NAALADL2: variants seen among roughly 807,000 people sequenced by gnomAD.
NAALADL2 encodes the protein inactive N-acetylated-alpha-linked acidic dipeptidase-like protein 2.
NAALADL2 carries 76 observed loss-of-function variants against 87.2 expected under a neutral mutation model. The ratio of observed to expected loss-of-function variants is 0.87; its 90% CI spans 0.72 to 1.05. The LOEUF (loss-of-function observed/expected upper bound fraction) is 1.05, where lower values mean the gene tolerates loss of function less well. NAALADL2 is among the 50% of genes least tolerant of loss of function. The pLI is 0.00. For synonymous variants in NAALADL2, 354 were observed against 331.0 expected (o/e 1.07, Z -0.75); for missense variants, 1,089 against 945.8 (o/e 1.15, Z -1.99).
chr3:174,561,792 A>G (rs771608563), intron 2 of NAALADL2, among the ~76,000 whole-genome samples: 2 of 152,174 alleles, frequency 1.3e-5, no homozygotes, highest in Non-Finnish European at 2.9e-5. Flanking sequence ...TACTTTTACA[A>G]ATCAAAGAGA....
At chr3:174,720,669 C>G (rs1289836403) in intron 2 of NAALADL2, among the ~76,000 whole-genome samples, 3 of 152,054 alleles carry the variant, frequency 2.0e-5, no homozygotes, top group Admixed American at 2.0e-4. Context: ...ATTATCGTTA[C>G]AAAAGTGGGC....
chr3:174,884,536 G>A (rs567281113), intron 1 of NAALADL2, among the ~76,000 whole-genome samples: 80 of 152,240 alleles, frequency 5.3e-4, no homozygotes, highest in African/African-American at 1.1e-3. Context: ...TACCATGATC[G>A]TGGATAAGAC....
intron 5 of NAALADL2, among the ~76,000 whole-genome samples, chr3:175,350,733 A>T (rs181321580): frequency 1.3e-5 from 2 of 152,288 alleles, no homozygotes; most frequent in East Asian, 3.9e-4. Context: ...TGTGTGGAAG[A>T]GCCAAGAAGT....
At chr3:175,631,990 G>A (rs761974276) in intron 11 of NAALADL2, among the ~76,000 whole-genome samples, 1 of 151,950 alleles carries the variant, frequency 6.6e-6, no homozygotes, top group Non-Finnish European at 1.5e-5. Flanking sequence ...AATAAACAAG[G>A]TAAATAAATC....
At chr3:175,549,489 T>C (rs531343698) in intron 9 of NAALADL2, among the ~76,000 whole-genome samples, 1 of 152,088 alleles carries the variant, frequency 6.6e-6, no homozygotes, top group South Asian at 2.1e-4. Context: ...TATGAAAATG[T>C]ATCTAATTTG....
At chr3:175,771,201 A>G (rs1163882742) in intron 13 of NAALADL2, among the ~76,000 whole-genome samples, 1 of 152,200 alleles carries the variant, frequency 6.6e-6, no homozygotes, top group African/African-American at 2.4e-5. Flanking sequence ...CCATAAAATC[A>G]TATTTTCCAA....
Position 175,730,909 on chromosome 3 carries a change from T to C in NAALADL2, c.1897-6397T>C, listed in dbSNP as rs116225782. 3.3e-3 allele frequency among the ~76,000 whole-genome samples: 510 copies of C among 152,276 alleles called. 5 individuals are homozygous for C. Among genetic ancestry groups the C allele is most frequent in the African/African-American group, 0.011 (474 of 41,560 alleles). ...CAGATGGTGAATAGTTATTTACTTATGCTATGTGCCACAGGTATGCAAATA... is the reference window on the plus strand; with the variant it reads ...CAGATGGTGAATAGTTATTTACTTACGCTATGTGCCACAGGTATGCAAATA... On this transcript the variant is annotated intron_variant, in intron 11 of 13. Coordinates refer to ENST00000454872, the MANE Select transcript of NAALADL2 (RefSeq NM_207015.3).
chr3:175,315,000 AC>A (rs1758957650), intron 4 of NAALADL2, among the ~76,000 whole-genome samples: 1 of 151,972 alleles, frequency 6.6e-6, no homozygotes, highest in African/African-American at 2.4e-5. Flanking sequence ...GCAGTTACCT[AC>A]CAAGTCCTTT....
chr3:174,450,835 A>T (rs1265940383), intron 1 of NAALADL2, among the ~76,000 whole-genome samples: 1 of 136,796 alleles, frequency 7.3e-6, no homozygotes, highest in Non-Finnish European at 1.5e-5. Flanking sequence ...ATGCCACTGC[A>T]CTCCAGCCTG....
At chr3:175,329,516 A>G (rs1019646956) in intron 5 of NAALADL2, among the ~76,000 whole-genome samples, 7 of 152,226 alleles carry the variant, frequency 4.6e-5, no homozygotes, top group African/African-American at 1.7e-4. Flanking sequence ...CACTAAATCA[A>G]CTAAGACAAT....
At chr3:174,620,426 GTGTTTTTTGTTTTGT>G (rs1720889253) in intron 2 of NAALADL2, among the ~76,000 whole-genome samples, 1 of 151,736 alleles carries the variant, frequency 6.6e-6, no homozygotes, top group Admixed American at 6.6e-5. Context: ...CAGTTTATGT[GTGTTTTTTGTTTTGT>G]TTTGTTTTTT....
intron 5 of NAALADL2, among the ~76,000 whole-genome samples, chr3:175,348,964 C>G (rs1763446213): frequency 6.6e-6 from 1 of 152,138 alleles, no homozygotes; most frequent in African/African-American, 2.4e-5. Flanking sequence ...CCCTGTTAAT[C>G]TTACCAAATG....
At chr3:175,498,721 G>C (rs1453356892) in intron 9 of NAALADL2, among the ~76,000 whole-genome samples, 1 of 151,926 alleles carries the variant, frequency 6.6e-6, no homozygotes. Flanking sequence ...TTACATTTTA[G>C]GGGCAGTATT....
chr3:174,747,017 G>A (rs1006020567), intron 3 of NAALADL2, among the ~76,000 whole-genome samples: 2 of 152,134 alleles, frequency 1.3e-5, no homozygotes, highest in African/African-American at 2.4e-5. Context: ...AAACAGCACA[G>A]GCAAAGATTT....
intron 6 of NAALADL2, among the ~76,000 whole-genome samples, chr3:175,459,069 C>T (rs1722736769): frequency 6.6e-6 from 1 of 151,964 alleles, no homozygotes; most frequent in African/African-American, 2.4e-5. Flanking sequence ...CCATGCTGGA[C>T]CACAGGCCAA....
chr3:175,399,327 T>G (rs901999598), intron 5 of NAALADL2, among the ~76,000 whole-genome samples: 1 of 152,082 alleles, frequency 6.6e-6, no homozygotes, highest in Non-Finnish European at 1.5e-5. Context: ...CTGAAGCATG[T>G]AGAGGCTAGG....
intron 13 of NAALADL2, among the ~76,000 whole-genome samples, chr3:175,786,880 A>T (rs13063212): frequency 6.6e-6 from 1 of 151,952 alleles, no homozygotes; most frequent in Non-Finnish European, 1.5e-5. Context: ...TGATGTACAG[A>T]TGGGTTTTTG....
chr3:175,573,769 G>T (rs1409374007), intron 9 of NAALADL2, among the ~76,000 whole-genome samples: 5 of 152,120 alleles, frequency 3.3e-5, no homozygotes, highest in African/African-American at 1.2e-4. Flanking sequence ...AAGTGAAAAA[G>T]GATTACCCCC....
At position 174,797,298 on chromosome 3, in the gene NAALADL2, C is replaced by CTTTTTTTTT. The variant is rs765233495; in HGVS notation, c.-9+59558_-9+59559insTTTTTTTTT. 9.5e-4 allele frequency among the ~76,000 whole-genome samples: 93 copies of CTTTTTTTTT among 97,710 alleles called. 6 individuals carry two copies. The highest frequency in any genetic ancestry group is 2.2e-3 in the African/African-American group (47 of 21,090). 64.1% of individuals were successfully genotyped at this position (97,710 alleles called of 152,430 possible). On this transcript the variant is annotated intron_variant, in intron 3 of 3. Transcript: ENST00000434257. Reference sequence around the variant, plus strand: ...CTGGGATCTTTTTTCTTTTGTTTTTCTTTTTTCTTTTTTTTTTTTTTTTTT... The same window carrying CTTTTTTTTT: ...CTGGGATCTTTTTTCTTTTGTTTTTCTTTTTTTTTTTTTTTCTTTTTTTTTTTTTTTTTT...
Sources: gnomAD v4.1 joint callset for allele counts (sites outside exome capture counted in the v4.1 genomes callset) on GRCh38, gnomAD v4.1.1 for gene constraint, MANE v1.5 for transcripts, NCBI Gene and HGNC (gene_info 2026-07-23, HGNC 2026-07-21) for gene names.